CACNA1D: variants seen among roughly 807,000 people sequenced by gnomAD.
The protein encoded by CACNA1D is calcium voltage-gated channel subunit alpha1 D.
A neutral mutation model predicts 257.1 loss-of-function variants in CACNA1D; 55 were observed. The ratio of observed to expected loss-of-function variants is 0.21; its 90% CI spans 0.17 to 0.27. The LOEUF is 0.27. CACNA1D is among the 10% of genes least tolerant of loss of function. The pLI is 1.00. For missense variants in CACNA1D, 1,876 were observed against 2,784.0 expected (o/e 0.67, Z 7.34); for synonymous variants, 980 against 1,014.9 (o/e 0.97, Z 0.65).
At chr3:53,501,749 C>G (rs1365324456) in intron 3 of CACNA1D, 29 bp downstream of exon 3, 3 of 1,219,728 alleles carry the variant, frequency 2.5e-6, no homozygotes, top group Non-Finnish European at 3.6e-6. Context: ...CCTGCTGGTC[C>G]TGGTATATGG....
chr3:53,665,700 T>G lies in CACNA1D; in HGVS notation c.807T>G (p.Val269=). Residue 269 remains valine (V), a synonymous_variant, in exon 6 of 48, where the codon GTT becomes GTG. Coordinates refer to ENST00000350061, the MANE Select transcript of CACNA1D (RefSeq NM_001128840.3). ...VVLNSIIKAM[V]PLLHIALLVL... ...TGAACTCCATTATAAAAGCCATGGT[T>G]CCCCTCCTTCACATAGCCCTTTTGG... is the stretch of plus-strand genomic sequence containing the variant. 6.2e-7 allele frequency: 1 copy of G among 1,611,096 alleles called. No individual in the cohort carries two copies. The highest frequency in any genetic ancestry group is 8.5e-7 in the Non-Finnish European group (1 of 1,177,314).
rs753083255 is a variant in CACNA1D, at chr3:53,510,624, A to T, written c.483+8904A>T. Among the ~76,000 whole-genome samples the T allele has an allele frequency of 2.6e-5, 4 of 152,180 alleles. No homozygotes were observed. In the East Asian group the frequency reaches 7.7e-4, roughly 29 times the overall value. On this transcript the variant is annotated intron_variant, in intron 3 of 47. Coordinates refer to ENST00000350061, the MANE Select transcript of CACNA1D (RefSeq NM_001128840.3). The stretch of plus-strand genomic sequence containing the variant: ...GAGGGTATGTGCGTTTTTAATATCC[A>T]TGTTTATTGCCACATCATTCTTCAC...
In CACNA1D at chr3:53,592,262, A is replaced by G. The variant is rs555138661; in HGVS notation, c.484-58517A>G. Among the ~76,000 whole-genome samples, 12 of 152,340 alleles carry G rather than the reference A, an allele frequency of 7.9e-5. No homozygotes were observed. The East Asian group carries it at 2.3e-3, about 29-fold the overall frequency. On this transcript the variant is annotated intron_variant, in intron 3 of 47. Transcript: ENST00000350061. The stretch of plus-strand genomic sequence containing the variant: ...GTCTTTAATGAGGTGCCATGTAGGC[A>G]GGGATCTGAAAGAAGTGAAGGGAGC...
At chr3:53,780,190 T>G in intron 38 of CACNA1D, 62 bp downstream of exon 38, 1 of 1,314,910 alleles carries the variant, frequency 7.6e-7, no homozygotes, top group Non-Finnish European at 1.1e-6. Flanking sequence ...ACATCCCATC[T>G]TGCCTTCCTC....
rs1316055659 is a variant in CACNA1D, at chr3:53,744,838, C to T, written c.3006+11C>T. On this transcript the variant is annotated intron_variant, in intron 23 of 47. Transcript: ENST00000350061. ...GCAAAAGGACTTAAGGTTTTGATTC[C>T]TCTCCTCCCGGCTGGGCTGGCTTGG... The T allele has an allele frequency of 3.3e-6, 5 of 1,530,986 alleles. No individual in the cohort carries two copies. Among genetic ancestry groups the T allele is most frequent in the Non-Finnish European group, 4.5e-6 (5 of 1,104,264 alleles). The allele number at this position is 1,530,986 out of a possible 1,614,324, so 94.8% of individuals were successfully genotyped here. A position where few individuals can be genotyped will look rare whatever the true frequency, so the allele number is the denominator to read the frequency against.
intron 3 of CACNA1D, among the ~76,000 whole-genome samples, chr3:53,631,542 C>T (rs1010320148): frequency 6.6e-6 from 1 of 152,176 alleles, no homozygotes; most frequent in Non-Finnish European, 1.5e-5. Context: ...TTCCAAACTC[C>T]TGTTAATGTT....
At chr3:53,647,436 G>A in intron 3 of CACNA1D, among the ~76,000 whole-genome samples, 1 of 152,128 alleles carries the variant, frequency 6.6e-6, no homozygotes, top group Middle Eastern at 3.2e-3. Flanking sequence ...CCCTTCTTCT[G>A]CCATCCCAGT....
At chr3:53,670,130 G>A (rs1423718080) in intron 7 of CACNA1D, among the ~76,000 whole-genome samples, 2 of 152,108 alleles carry the variant, frequency 1.3e-5, no homozygotes, top group Non-Finnish European at 2.9e-5. Flanking sequence ...AGACCTTCAC[G>A]GGAAGTACTC....
intron 14 of CACNA1D, 45 bp downstream of exon 14, chr3:53,724,044 G>C: frequency 6.9e-7 from 1 of 1,457,334 alleles, no homozygotes; most frequent in Non-Finnish European, 9.6e-7. Context: ...GTGAGCAGCA[G>C]CTAAAACTCC....
chr3:53,526,693 T>A (rs1211398983), intron 3 of CACNA1D, among the ~76,000 whole-genome samples: 1 of 152,168 alleles, frequency 6.6e-6, no homozygotes, highest in African/African-American at 2.4e-5. Context: ...AGTGGAGAAT[T>A]GTACCAACTT....
chr3:53,518,938 G>A (rs889641581), intron 3 of CACNA1D, among the ~76,000 whole-genome samples: 1 of 152,170 alleles, frequency 6.6e-6, no homozygotes, highest in Admixed American at 6.5e-5. Context: ...TCGCAGTCAC[G>A]CTTCTCTAAG....
chr3:53,627,469 G>T (rs572819254), intron 3 of CACNA1D, among the ~76,000 whole-genome samples: 31 of 152,282 alleles, frequency 2.0e-4, no homozygotes, highest in African/African-American at 6.5e-4. Context: ...TTGCAAACGT[G>T]ATTGTCTTGA....
intron 3 of CACNA1D, among the ~76,000 whole-genome samples, chr3:53,579,880 G>T (rs76086552): frequency 6.6e-6 from 1 of 152,218 alleles, no homozygotes; most frequent in African/African-American, 2.4e-5. Flanking sequence ...TGCAGGCCCC[G>T]GATGCTGTGC....
chr3:53,733,976 A>G (rs922293435), intron 19 of CACNA1D, among the ~76,000 whole-genome samples: 77 of 140,192 alleles, frequency 5.5e-4, no homozygotes, highest in African/African-American at 1.9e-3. Context: ...ATGTATATGT[A>G]TATATATATA....
chr3:53,787,147 C>A (rs2095458251), intron 40 of CACNA1D, among the ~76,000 whole-genome samples, 195 bp downstream of exon 40: 1 of 152,134 alleles, frequency 6.6e-6, no homozygotes, highest in Admixed American at 6.5e-5. Flanking sequence ...CCGATGCCTA[C>A]CCCATAGAGC....
At chr3:53,513,918 C>T (rs1427921508) in intron 3 of CACNA1D, among the ~76,000 whole-genome samples, 5 of 152,140 alleles carry the variant, frequency 3.3e-5, no homozygotes, top group Non-Finnish European at 7.3e-5. Flanking sequence ...CAGCAACAGG[C>T]GATCCCATAT....
At chr3:53,563,238 A>G (rs2092771797) in intron 3 of CACNA1D, among the ~76,000 whole-genome samples, 1 of 152,062 alleles carries the variant, frequency 6.6e-6, no homozygotes, top group South Asian at 2.1e-4. Context: ...ATTTGTGCTT[A>G]TCAGGCCAGG....
At chr3:53,654,999 A>G (rs571459134) in intron 4 of CACNA1D, among the ~76,000 whole-genome samples, 2 of 152,224 alleles carry the variant, frequency 1.3e-5, no homozygotes, top group South Asian at 4.1e-4. Context: ...TGAAGAAAGG[A>G]TAATGGCCTT....
intron 3 of CACNA1D, among the ~76,000 whole-genome samples, chr3:53,606,141 C>A (rs1183871605): frequency 2.0e-5 from 3 of 152,236 alleles, no homozygotes; most frequent in Non-Finnish European, 4.4e-5. Flanking sequence ...CTGAAATCAG[C>A]TTTGCAGTCA....
Sources: allele counts gnomAD v4.1 joint callset (sites outside exome capture counted in the v4.1 genomes callset), GRCh38; gene constraint gnomAD v4.1.1; transcripts MANE v1.5; gene names NCBI Gene and HGNC (gene_info 2026-07-23, HGNC 2026-07-21).